The following SYNE2 variants were observed in gnomAD, a reference collection of about 807,000 sequenced individuals.
The protein encoded by SYNE2 is spectrin repeat containing nuclear envelope protein 2, also known as nesprin-2.
SYNE2 carries 431 observed loss-of-function variants against 856.3 expected under a neutral mutation model. That is an observed-to-expected ratio of 0.50 (90% CI 0.47 to 0.55). The LOEUF (loss-of-function observed/expected upper bound fraction) is 0.55, where lower values mean the gene tolerates loss of function less well. Ranked by LOEUF, SYNE2 falls within the 20% of genes least tolerant of loss-of-function variation. The probability of loss-of-function intolerance (pLI) is 0.00; values close to 1 mark genes in which losing one functional copy is unlikely to be tolerated. For missense variants in SYNE2, 8,129 were observed against 8,023.2 expected, an observed-to-expected ratio of 1.01 and a Z score of -0.50; for synonymous variants, 2,923 against 2,872.3, an observed-to-expected ratio of 1.02 and a Z score of -0.56.
At chr14:64,201,796 C>T (rs562303963) in intron 99 of SYNE2, among the ~76,000 whole-genome samples, 3 of 152,158 alleles carry the variant, frequency 2.0e-5, no homozygotes, top group Non-Finnish European at 4.4e-5. Flanking sequence ...GGGTGCAGTT[C>T]TGACAGCATC....
chr14:63,777,053 C>A, intron 1 of SYNE2, among the ~76,000 whole-genome samples: 1 of 152,232 alleles, frequency 6.6e-6, no homozygotes, highest in East Asian at 1.9e-4. Flanking sequence ...AACAGTGGCA[C>A]ACTACCTTTA....
Position 64,125,072 on chromosome 14 carries a change from C to A in SYNE2, c.13423-7C>A. The A allele has an allele frequency of 6.2e-7, 1 of 1,613,988 alleles. No individual in the cohort carries two copies. The highest frequency in any genetic ancestry group is 1.1e-5 in the South Asian group (1 of 91,060). ...TGTCAGTAATAGGGTTTTCCTTTGT[C>A]AAATAGGTTTCCACAAATATGGGTA... On this transcript the variant is annotated splice_region_variant and splice_polypyrimidine_tract_variant and intron_variant, in intron 70 of 115. Coordinates refer to ENST00000555002, the MANE Select transcript of SYNE2 (RefSeq NM_182914.3).
chr14:64,144,867 C>G (rs959483017), intron 83 of SYNE2, among the ~76,000 whole-genome samples: 3 of 150,436 alleles, frequency 2.0e-5, no homozygotes, highest in African/African-American at 7.4e-5. Context: ...AATTCTCACT[C>G]TAGGGGAATA....
intron 45 of SYNE2, among the ~76,000 whole-genome samples, chr14:64,038,036 C>T: frequency 7.0e-6 from 1 of 142,660 alleles, no homozygotes; most frequent in East Asian, 2.1e-4. Context: ...GGGCTCCTCA[C>T]TTCTCAGACG....
chr14:63,941,685 CCTT>C lies in SYNE2; in HGVS notation c.142-7_142-5del, dbSNP rs748403955. On this transcript the variant is annotated splice_region_variant and splice_polypyrimidine_tract_variant and intron_variant, in intron 3 of 115. Coordinates refer to ENST00000555002, the MANE Select transcript of SYNE2 (RefSeq NM_182914.3). ...GTTTGAATGATTATTTTTCTTGTGA[CCTT>C]CTGCAGCACACTTCTCCCTCAGTTA... 1.9e-6 allele frequency: 3 copies of C among 1,610,508 alleles called. No homozygotes were observed. The South Asian group carries it at 3.3e-5, about 18-fold the overall frequency.
intron 51 of SYNE2, among the ~76,000 whole-genome samples, chr14:64,070,083 T>C (rs1384858021): frequency 6.6e-6 from 1 of 152,222 alleles, no homozygotes; most frequent in Non-Finnish European, 1.5e-5. Flanking sequence ...TTTCTAGATA[T>C]GTGATGTAAT....
intron 45 of SYNE2, among the ~76,000 whole-genome samples, chr14:64,038,708 C>T (rs28716518): frequency 1.4e-4 from 21 of 152,346 alleles, no homozygotes; most frequent in African/African-American, 4.3e-4. Flanking sequence ...TCAGGCGTGG[C>T]GGCGGGCGCC....
chr14:63,767,932 G>A (rs1348151363), intron 1 of SYNE2, among the ~76,000 whole-genome samples: 3 of 152,080 alleles, frequency 2.0e-5, no homozygotes, highest in Non-Finnish European at 4.4e-5. Context: ...AGTAGCTCAC[G>A]CCTGTAATCC....
At chr14:63,951,123 A>C (rs753977663) in intron 7 of SYNE2, among the ~76,000 whole-genome samples, 9 of 152,094 alleles carry the variant, frequency 5.9e-5, no homozygotes, top group Non-Finnish European at 1.0e-4. Context: ...CTGTAGATTC[A>C]GGAGATCTCT....
At chr14:64,099,022 A>G in intron 63 of SYNE2, 1 of 582,258 alleles carries the variant, frequency 1.7e-6, no homozygotes, top group Non-Finnish European at 3.1e-6. Context: ...AGTGAGATGA[A>G]TGTAATTCAG....
intron 112 of SYNE2, among the ~76,000 whole-genome samples, chr14:64,222,459 C>A (rs995781440): frequency 1.3e-5 from 2 of 152,184 alleles, no homozygotes; most frequent in Non-Finnish European, 2.9e-5. Flanking sequence ...GCTCCCAGCA[C>A]TTTGGGAGCC....
rs764264884 is a variant in SYNE2, at chr14:64,162,171, C to T, written c.16194C>T (p.Ala5398=). ...ATAGCAATGCTCATGGTGAAGCTGC[C>T]GCAAGGCTGAAGCAGCAGGAAGCAA... ...KAYSNAHGEA[A]ARLKQQEAKF... Residue 5398 remains alanine (A), a synonymous_variant, in exon 88 of 116, where the codon GCC becomes GCT. Transcript: ENST00000555002. The T allele has an allele frequency of 5.9e-5, 96 of 1,614,174 alleles. No homozygotes were observed. Among genetic ancestry groups the T allele is most frequent in the East Asian group, 4.0e-4 (18 of 44,884 alleles).
intron 90 of SYNE2, 151 bp from the exon 91 acceptor site, chr14:64,167,082 C>T: frequency 2.2e-6 from 2 of 903,250 alleles, no homozygotes; most frequent in African/African-American, 3.3e-5. Context: ...ATTCAGGTCC[C>T]ACTCTAACAT....
At chr14:64,213,819 G>A (rs1243241127) in intron 105 of SYNE2, among the ~76,000 whole-genome samples, 3 of 152,170 alleles carry the variant, frequency 2.0e-5, no homozygotes, top group Non-Finnish European at 4.4e-5. Context: ...GTCTTACCCA[G>A]AACATTCAAA....
At chr14:63,944,406 A>C (rs1365920158) in intron 6 of SYNE2, among the ~76,000 whole-genome samples, 1 of 151,208 alleles carries the variant, frequency 6.6e-6, no homozygotes. Flanking sequence ...AGGTAATTTC[A>C]GATAAGAATG....
chr14:64,183,540 G>C (rs1028676284), intron 96 of SYNE2, among the ~76,000 whole-genome samples: 1 of 152,066 alleles, frequency 6.6e-6, no homozygotes, highest in Non-Finnish European at 1.5e-5. Flanking sequence ...CTGCAGTCTC[G>C]GCACTTTGGG....
intron 100 of SYNE2, 77 bp downstream of exon 100, chr14:64,203,040 CTA>C: frequency 1.3e-6 from 2 of 1,567,798 alleles, no homozygotes; most frequent in Non-Finnish European, 1.7e-6. Context: ...CCCCGTATAT[CTA>C]TGTGTTTTCA....
chr14:63,895,590 CAAAA>C (rs34613830), intron 1 of SYNE2, among the ~76,000 whole-genome samples: 1 of 88,410 alleles, frequency 1.1e-5, no homozygotes. Context: ...CTGTCTCTAT[CAAAA>C]AAAAAAAAAA....
At chr14:63,962,214 C>G (rs1041065650) in intron 9 of SYNE2, among the ~76,000 whole-genome samples, 1 of 151,882 alleles carries the variant, frequency 6.6e-6, no homozygotes, top group Non-Finnish European at 1.5e-5. Context: ...TGCCACCATA[C>G]CCGGCTGATT....
Sources: gnomAD v4.1 joint callset for allele counts (sites outside exome capture counted in the v4.1 genomes callset) on GRCh38, gnomAD v4.1.1 for gene constraint, MANE v1.5 for transcripts, NCBI Gene and HGNC (gene_info 2026-07-23, HGNC 2026-07-21) for gene names.